PLCXD1: variants seen among roughly 807,000 people sequenced by gnomAD.
PLCXD1 encodes phosphatidylinositol specific phospholipase C X domain containing 1.
PLCXD1 carries 45 observed loss-of-function variants against 37.8 expected under a neutral mutation model. That is an observed-to-expected ratio of 1.19 (90% CI 0.94 to 1.53). The LOEUF (loss-of-function observed/expected upper bound fraction) is 1.53, where lower values mean the gene tolerates loss of function less well. PLCXD1 is among the 40% of genes most tolerant of loss of function. The pLI is 0.00. For synonymous variants in PLCXD1, 246 were observed against 206.9 expected, an observed-to-expected ratio of 1.19 and a Z score of -1.62; for missense variants, 539 against 454.7, an observed-to-expected ratio of 1.19 and a Z score of -1.69.
chrX:277,104 C>T (rs756292541), upstream of PLCXD1, among the ~76,000 whole-genome samples: 9 of 152,294 alleles, frequency 5.9e-5, no homozygotes, highest in African/African-American at 2.2e-4. Context: ...CTGTGCCGTC[C>T]GGACGAGATG....
In PLCXD1 at chrX:284,152, C is replaced by G. The variant is rs752003850; in HGVS notation, c.-21-15C>G. On this transcript the variant is annotated splice_polypyrimidine_tract_variant and intron_variant, in intron 1 of 6. Coordinates refer to ENST00000381657, the MANE Select transcript of PLCXD1 (RefSeq NM_018390.4). The stretch of plus-strand genomic sequence containing the variant: ...GTCACCGTAAAAAACCTCTTTTCCT[C>G]TTCTCCTTCCTCAGGTTGCCCAGGG... The G allele has an allele frequency of 8.1e-6, 13 of 1,610,464 alleles. No homozygotes were observed. The highest frequency in any genetic ancestry group is 4.1e-4 in the Middle Eastern group (2 of 4,832).
chrX:294,011 G>C (rs1452869159), intron 6 of PLCXD1, among the ~76,000 whole-genome samples: 1 of 152,096 alleles, frequency 6.6e-6, no homozygotes. Context: ...ATTAGAGAAG[G>C]GGTCTCACTG....
rs769904412 is a variant in PLCXD1, at chrX:293,091, T to A, written c.606T>A (p.Tyr202Ter). 1.2e-6 allele frequency: 2 copies of A among 1,611,454 alleles called. No individual in the cohort carries two copies. Among genetic ancestry groups the A allele is most frequent in the South Asian group, 2.2e-5 (2 of 90,976 alleles). The change falls in exon 6 of 7, where the codon TAT becomes TAA. Residue 202 changes from tyrosine to a stop codon, truncating the protein, a stop_gained. Transcript: ENST00000381657. LOFTEE classifies it high-confidence loss of function. The stretch of plus-strand genomic sequence containing the variant: ...GGGGCCAACAGGTCATCGTCTCCTA[T>A]GAAGACGAGAGCTCCTTGCGCCGGC... The part of the protein sequence containing the change: ...WSRGQQVIVS[Y>*]EDESSLRRHH...
chrX:283,570 T>TCAGGCCCGGGTGGGGGCGGCCGTGGTGC (rs1216740043), intron 1 of PLCXD1: 16 of 133,330 alleles, frequency 1.2e-4, no homozygotes, highest in South Asian at 2.5e-4. Context: ...GGCCTTGGTG[T>TCAGGCCCGGGTGGGGGCGGCCGTGGTGC]CAGGCCCGGG....
At chrX:289,197 C>G (rs755580019) in intron 3 of PLCXD1, among the ~76,000 whole-genome samples, 3 of 152,108 alleles carry the variant, frequency 2.0e-5, no homozygotes, top group African/African-American at 7.2e-5. Flanking sequence ...AAGCGATTCT[C>G]CTGCCTCATC....
At chrX:284,644 A>G (rs1414098941) in intron 2 of PLCXD1, among the ~76,000 whole-genome samples, 2 of 130,622 alleles carry the variant, frequency 1.5e-5, no homozygotes, top group East Asian at 2.3e-4. Context: ...ATCTGCACAC[A>G]CACATGCACA....
At position 288,879 on chromosome X, in the gene PLCXD1, GT is replaced by G; in HGVS notation, c.264+11del. 1 of 1,611,818 alleles carries G rather than the reference GT, an allele frequency of 6.2e-7. No individual in the cohort carries two copies. Among genetic ancestry groups the G allele is most frequent in the Non-Finnish European group, 8.5e-7 (1 of 1,179,438 alleles). ...ATGGTCCGTCACCCAGGTACGGTCT[GT>G]GCCCCGTGCTGCTGACCTGGCCTGT... On this transcript the variant is annotated intron_variant, in intron 3 of 6. Transcript: ENST00000381657.
At position 284,954 on chromosome X, in the gene PLCXD1, G is replaced by A. The variant is rs182970066; in HGVS notation, c.127+640G>A. Reference sequence around the variant, plus strand: ...GAACAGCATGGGAAAGACCCGCCCCGTGATTCGGTGACCTCCCACCAGGTC... The same window carrying A: ...GAACAGCATGGGAAAGACCCGCCCCATGATTCGGTGACCTCCCACCAGGTC... On this transcript the variant is annotated intron_variant, in intron 2 of 6. Coordinates refer to ENST00000381657, the MANE Select transcript of PLCXD1 (RefSeq NM_018390.4). Among the ~76,000 whole-genome samples the A allele has an allele frequency of 5.5e-3, 839 of 152,242 alleles. 8 individuals carry two copies. The highest frequency in any genetic ancestry group is 9.0e-3 in the Non-Finnish European group (611 of 68,012).
At chrX:290,163 C>T (rs754938633) in intron 3 of PLCXD1, among the ~76,000 whole-genome samples, 1 of 151,892 alleles carries the variant, frequency 6.6e-6, no homozygotes, top group African/African-American at 2.4e-5. Flanking sequence ...CGCGGTGGCT[C>T]ACGCCTGTAA....
At chrX:292,249 A>T (rs1569564592) in intron 5 of PLCXD1, among the ~76,000 whole-genome samples, 1 of 151,998 alleles carries the variant, frequency 6.6e-6, no homozygotes, top group Non-Finnish European at 1.5e-5. Context: ...AGGTCAGGAC[A>T]TCGAGACCAT....
Position 301,838 on chromosome X carries a change from C to A in PLCXD1, c.*2503C>A, listed in dbSNP as rs2070026163. 6.6e-6 allele frequency: 1 copy of A among 152,230 alleles called. No homozygotes were observed. Among genetic ancestry groups the A allele is most frequent in the Non-Finnish European group, 1.5e-5 (1 of 68,096 alleles). The allele number at this position is 152,230 out of a possible 1,614,324, so 9.4% of individuals were successfully genotyped here. ...ATGGGGTTTCACCATGTTGCCCAGG[C>A]TGGTCTTGAACTCCCGACCTCAGGT... On this transcript the variant is annotated 3_prime_UTR_variant, in exon 7 of 7. Coordinates refer to ENST00000381657, the MANE Select transcript of PLCXD1 (RefSeq NM_018390.4).
chrX:292,963 C>T, intron 5 of PLCXD1, 72 bp from the exon 6 acceptor site: 1 of 1,092,156 alleles, frequency 9.2e-7, no homozygotes, highest in South Asian at 1.6e-5. Flanking sequence ...CCCGACTTCC[C>T]AGCCCTCCGC....
intron 3 of PLCXD1, 66 bp from the exon 4 acceptor site, chrX:290,582 C>A (rs2069597429): frequency 1.3e-6 from 2 of 1,588,426 alleles, no homozygotes; most frequent in African/African-American, 2.7e-5. Flanking sequence ...AACCCCACAG[C>A]CCATTCCTGA....
chrX:289,801 G>A (rs1244370886), intron 3 of PLCXD1, among the ~76,000 whole-genome samples: 5 of 151,942 alleles, frequency 3.3e-5, no homozygotes, highest in South Asian at 2.1e-4. Flanking sequence ...GTCAGCCACC[G>A]CGCCCGGCCG....
Position 287,442 on chromosome X carries a change from C to CACTATATATGTTTATATATAGAATATAT in PLCXD1, c.128-1268_128-1241dup, listed in dbSNP as rs1569564446. On this transcript the variant is annotated intron_variant, in intron 2 of 6. Coordinates refer to ENST00000381657, the MANE Select transcript of PLCXD1 (RefSeq NM_018390.4). The stretch of plus-strand genomic sequence containing the variant: ...ATATGTTTATATATAGATATATATA[C>CACTATATATGTTTATATATAGAATATAT]ACTATATATGTTTATATATAGAATA... Among the ~76,000 whole-genome samples the CACTATATATGTTTATATATAGAATATAT allele has an allele frequency of 1.2e-3, 155 of 132,000 alleles. 4 individuals are homozygous for CACTATATATGTTTATATATAGAATATAT. Among genetic ancestry groups the CACTATATATGTTTATATATAGAATATAT allele is most frequent in the African/African-American group, 4.3e-3 (145 of 33,922 alleles). 86.6% of individuals were successfully genotyped at this position (132,000 alleles called of 152,430 possible).
intron 2 of PLCXD1, among the ~76,000 whole-genome samples, 166 bp from the exon 3 acceptor site, chrX:288,567 C>G (rs1241582266): frequency 6.6e-6 from 1 of 152,176 alleles, no homozygotes; most frequent in Non-Finnish European, 1.5e-5. Flanking sequence ...TTCCCAGGTT[C>G]CAGTGGACGT....
intron 2 of PLCXD1, among the ~76,000 whole-genome samples, chrX:285,724 C>G (rs1027609505): frequency 1.3e-5 from 2 of 152,032 alleles, no homozygotes; most frequent in Non-Finnish European, 1.5e-5. Flanking sequence ...CACACATGCA[C>G]ACTCACATAT....
Position 281,442 on chromosome X carries a change from A to G in PLCXD1, c.-264A>G, listed in dbSNP as rs779515475. On this transcript the variant is annotated 5_prime_UTR_variant, in exon 1 of 7. Transcript: ENST00000381657. ...TGGTGTTGGCTTAGGGTCTGGGAGG[A>G]AGGCTTTTGGGAAGATGTAAATAAG... 1.7e-3 allele frequency: 258 copies of G among 148,014 alleles called. No individual in the cohort carries two copies. Among genetic ancestry groups the G allele is most frequent in the Middle Eastern group, 7.0e-3 (2 of 286 alleles). 9.2% of individuals were successfully genotyped at this position (148,014 alleles called of 1,614,324 possible).
chrX:278,615 T>G (rs1319972573), upstream of PLCXD1, among the ~76,000 whole-genome samples: 1 of 151,490 alleles, frequency 6.6e-6, no homozygotes, highest in African/African-American at 2.4e-5. Context: ...GGTGGGCGCC[T>G]GTAGTCCCAG....
Sources: gnomAD v4.1 joint callset for allele counts (sites outside exome capture counted in the v4.1 genomes callset) on GRCh38, gnomAD v4.1.1 for gene constraint, MANE v1.5 for transcripts, NCBI Gene and HGNC (gene_info 2026-07-23, HGNC 2026-07-21) for gene names.